LRRC37A2: variants seen among roughly 807,000 people sequenced by gnomAD.
LRRC37A2 encodes leucine-rich repeat-containing protein 37A2.
A neutral mutation model predicts 68.8 loss-of-function variants in LRRC37A2; 9 were observed. That is an observed-to-expected ratio of 0.13 (90% CI 0.08 to 0.23). LRRC37A2 has a LOEUF of 0.23. Among genes scored for constraint, LRRC37A2 ranks in the 10% least tolerant of loss-of-function variants. LRRC37A2 has a pLI of 1.00. For missense variants in LRRC37A2, 168 were observed against 950.4 expected (o/e 0.18, Z 10.82); for synonymous variants, 63 against 367.6 (o/e 0.17, Z 9.48).
At chr17:47,035,881 G>A in the LRRC37A2 span, among the ~76,000 whole-genome samples, 1 of 152,116 alleles carries the variant, frequency 6.6e-6, no homozygotes, top group South Asian at 2.1e-4. Context: ...TCTCGCTGCA[G>A]TTTTTGATGG....
At chr17:46,875,194 G>A in the LRRC37A2 span, 1 of 1,614,138 alleles carries the variant, frequency 6.2e-7, no homozygotes, top group Non-Finnish European at 8.5e-7. Flanking sequence ...ATGGAGCGCT[G>A]CACCTGTGAT....
At chr17:47,022,168 C>CTTT in the LRRC37A2 span, among the ~76,000 whole-genome samples, 225 of 19,708 alleles carry the variant, frequency 0.011, 34 homozygotes, top group East Asian at 0.031. Context: ...TTTTTGTTCT[C>CTTT]TTTTTTTTTT....
chr17:46,768,864 C>T, the LRRC37A2 span: 4 of 1,578,464 alleles, frequency 2.5e-6, no homozygotes, highest in Admixed American at 1.7e-5. The surrounding 1 kb of genome is among the most constrained non-coding windows in gnomAD (Gnocchi z 5.0). Flanking sequence ...CCAGGCCTTC[C>T]CTCTCTGCCA....
chr17:46,939,893 CAG>C, the LRRC37A2 span: 11 of 993,152 alleles, frequency 1.1e-5, no homozygotes, highest in Non-Finnish European at 1.3e-5. Context: ...CTGAAAGTCT[CAG>C]AAAGACCTGG....
the LRRC37A2 span, among the ~76,000 whole-genome samples, chr17:46,732,772 C>A: frequency 6.6e-6 from 1 of 152,062 alleles, no homozygotes; most frequent in East Asian, 1.9e-4. Flanking sequence ...ATCAAGTTTC[C>A]CTGTGTTCTG....
the LRRC37A2 span, among the ~76,000 whole-genome samples, chr17:46,912,245 G>A: frequency 6.6e-6 from 1 of 152,218 alleles, no homozygotes; most frequent in Non-Finnish European, 1.5e-5. Flanking sequence ...TCCTAGAAAT[G>A]CTGCTGAGCC....
chr17:46,959,511 C>T, the LRRC37A2 span, among the ~76,000 whole-genome samples: 1 of 152,040 alleles, frequency 6.6e-6, no homozygotes, highest in Non-Finnish European at 1.5e-5. Flanking sequence ...AAAGGTTCTT[C>T]TGGGTTTCAT....
the LRRC37A2 span, among the ~76,000 whole-genome samples, chr17:46,776,917 C>T: frequency 1.3e-5 from 2 of 152,194 alleles, no homozygotes; most frequent in Non-Finnish European, 2.9e-5. Flanking sequence ...TCCTTCCTCC[C>T]CCTCTCCCAG....
At chr17:46,857,764 C>T in the LRRC37A2 span, among the ~76,000 whole-genome samples, 2 of 152,146 alleles carry the variant, frequency 1.3e-5, no homozygotes, top group African/African-American at 2.4e-5. Context: ...TGGCTATTTT[C>T]GTAAGTATGT....
At chr17:46,902,449 A>G in the LRRC37A2 span, among the ~76,000 whole-genome samples, 1 of 145,190 alleles carries the variant, frequency 6.9e-6, no homozygotes, top group African/African-American at 2.7e-5. Context: ...AAATCTCGAT[A>G]AGGGAACAGT....
chr17:46,840,890 G>C, the LRRC37A2 span, among the ~76,000 whole-genome samples: 1 of 152,178 alleles, frequency 6.6e-6, no homozygotes, highest in Non-Finnish European at 1.5e-5. Flanking sequence ...GTAGATTCTG[G>C]ATATTAGCCC....
chr17:46,499,605 CA>C, the LRRC37A2 span, among the ~76,000 whole-genome samples: 11 of 113,446 alleles, frequency 9.7e-5, no homozygotes, highest in Admixed American at 4.5e-4. Flanking sequence ...ACAGATGAGC[CA>C]GGGGGGCATG....
the LRRC37A2 span, among the ~76,000 whole-genome samples, chr17:46,707,039 C>T: frequency 2.0e-5 from 3 of 150,680 alleles, no homozygotes; most frequent in Non-Finnish European, 3.0e-5. Flanking sequence ...TTAGTAGAGA[C>T]GGGGTTTCAC....
the LRRC37A2 span, among the ~76,000 whole-genome samples, chr17:46,741,195 T>A: frequency 2.0e-5 from 3 of 152,192 alleles, no homozygotes; most frequent in African/African-American, 7.2e-5. Context: ...CACCCCAGGT[T>A]TCTCATCTGC....
At chr17:46,802,940 C>G in the LRRC37A2 span, among the ~76,000 whole-genome samples, 7 of 152,264 alleles carry the variant, frequency 4.6e-5, no homozygotes, top group South Asian at 1.5e-3. Flanking sequence ...GTCACAGGAA[C>G]CCTGATTTAT....
chr17:46,916,467 G>C, the LRRC37A2 span, among the ~76,000 whole-genome samples: 12 of 152,178 alleles, frequency 7.9e-5, no homozygotes, highest in Non-Finnish European at 1.8e-4. Context: ...AAGAACTCAA[G>C]AGAAGATGTG....
At chr17:46,938,965 G>A in the LRRC37A2 span, 10 of 1,450,042 alleles carry the variant, frequency 6.9e-6, no homozygotes, top group African/African-American at 4.2e-5. Flanking sequence ...ACCACCATGC[G>A]CGGTGCTTAG....
At chr17:46,929,642 C>T in the LRRC37A2 span, 1 of 860,994 alleles carries the variant, frequency 1.2e-6, no homozygotes, top group South Asian at 1.3e-5. Context: ...TGCTAATGGG[C>T]TGGGCTTCCT....
the LRRC37A2 span, among the ~76,000 whole-genome samples, chr17:46,974,987 CTT>C: frequency 1.2e-3 from 146 of 119,042 alleles, no homozygotes; most frequent in African/African-American, 4.1e-3. Context: ...TTACTATTTT[CTT>C]TTTTTTTTTT....
Sources: gnomAD v4.1 joint callset for allele counts (sites outside exome capture counted in the v4.1 genomes callset) on GRCh38, gnomAD v4.1.1 for gene constraint, Gnocchi (gnomAD v3.1) non-coding constraint, MANE v1.5 for transcripts, NCBI Gene and HGNC (gene_info 2026-07-23, HGNC 2026-07-21) for gene names.